TMEM182: variants seen among roughly 807,000 people sequenced by gnomAD.
The protein encoded by TMEM182 is transmembrane protein 182.
Under a neutral mutation model 26.8 loss-of-function variants are expected in TMEM182, and 20 were observed. That is an observed-to-expected ratio of 0.75 (90% CI 0.53 to 1.09). The LOEUF (loss-of-function observed/expected upper bound fraction) is 1.09, where lower values mean the gene tolerates loss of function less well. Among genes scored for constraint, TMEM182 ranks in the 50% least tolerant of loss-of-function variants. The pLI, the probability that TMEM182 is intolerant of heterozygous loss-of-function variation, is 0.00. For synonymous variants in TMEM182, 109 were observed against 102.2 expected (o/e 1.07, Z -0.40); for missense variants, 277 against 275.5 (o/e 1.01, Z -0.04).
chr2:102,748,234 G>C (rs1394619425), intron 1 of TMEM182, among the ~76,000 whole-genome samples: 1 of 152,182 alleles, frequency 6.6e-6, no homozygotes, highest in Non-Finnish European at 1.5e-5. Context: ...CATGGACACT[G>C]ATAGTCTGCC....
intron 3 of TMEM182, among the ~76,000 whole-genome samples, chr2:102,765,232 A>C (rs1680381137): frequency 6.6e-6 from 1 of 152,142 alleles, no homozygotes; most frequent in Non-Finnish European, 1.5e-5. Context: ...AGGCCTGGTG[A>C]GTCTGAAATC....
intron 1 of TMEM182, among the ~76,000 whole-genome samples, chr2:102,750,637 T>A (rs7595181): frequency 0.011 from 1,623 of 152,308 alleles, 35 homozygotes; most frequent in African/African-American, 0.037. Context: ...GCTACTGGGA[T>A]GAGTGTCACT....
intron 1 of TMEM182, among the ~76,000 whole-genome samples, chr2:102,741,292 A>G (rs1464384145): frequency 6.6e-6 from 1 of 152,180 alleles, no homozygotes; most frequent in Non-Finnish European, 1.5e-5. Flanking sequence ...TGAGAGTTAG[A>G]AACTCTTAGA....
intron 1 of TMEM182, among the ~76,000 whole-genome samples, chr2:102,743,285 A>G (rs1406532262): frequency 6.6e-6 from 1 of 152,182 alleles, no homozygotes; most frequent in African/African-American, 2.4e-5. Flanking sequence ...AAAAATAAAT[A>G]TAATTTATAT....
At chr2:102,810,007 C>T (rs1404105352) in intron 4 of TMEM182, among the ~76,000 whole-genome samples, 1 of 152,110 alleles carries the variant, frequency 6.6e-6, no homozygotes, top group African/African-American at 2.4e-5. Context: ...TGATTCTTCC[C>T]CAAGTAACCT....
intron 1 of TMEM182, among the ~76,000 whole-genome samples, chr2:102,749,418 C>T (rs796736961): frequency 5.3e-5 from 8 of 152,080 alleles, no homozygotes; most frequent in Non-Finnish European, 7.4e-5. Context: ...AGTGGTTGCC[C>T]GGACCTGAGG....
At chr2:102,795,353 T>C (rs941822270) in intron 3 of TMEM182, among the ~76,000 whole-genome samples, 1 of 152,202 alleles carries the variant, frequency 6.6e-6, no homozygotes, top group Non-Finnish European at 1.5e-5. Context: ...ACACCTTGAA[T>C]TTTATGTTGT....
intron 4 of TMEM182, among the ~76,000 whole-genome samples, chr2:102,803,951 A>T (rs1224385471): frequency 2.0e-5 from 3 of 151,708 alleles, no homozygotes; most frequent in Non-Finnish European, 4.4e-5. Context: ...CTGCAGGCAC[A>T]CGCAGCCCTG....
At chr2:102,784,628 A>ACC (rs1328977232) in intron 3 of TMEM182, among the ~76,000 whole-genome samples, 1 of 152,236 alleles carries the variant, frequency 6.6e-6, no homozygotes, top group African/African-American at 2.4e-5. Flanking sequence ...GTTGAGGAAT[A>ACC]AAAGAATGGC....
At chr2:102,768,786 G>A (rs1199141988) in intron 3 of TMEM182, among the ~76,000 whole-genome samples, 1 of 151,794 alleles carries the variant, frequency 6.6e-6, no homozygotes, top group Non-Finnish European at 1.5e-5. Context: ...TGCTTTTATT[G>A]TCAATGTTTA....
At position 102,772,939 on chromosome 2, in the gene TMEM182, GGTGT is replaced by G. The variant is rs71948151; in HGVS notation, c.331+8535_331+8538del. On this transcript the variant is annotated intron_variant, in intron 3 of 4. Coordinates refer to ENST00000412401, the MANE Select transcript of TMEM182 (RefSeq NM_144632.5). ...GTGAAACACTTTCTGCTCTCTGAAG[GGTGT>G]GTGTGTGTGTGTGTGTGTGTGTCCA... 6.8e-5 allele frequency among the ~76,000 whole-genome samples: 10 copies of G among 147,928 alleles called. No homozygotes were observed. In the East Asian group the frequency reaches 7.9e-4, roughly 12 times the overall value.
Position 102,816,447 on chromosome 2 carries a change from G to A in TMEM182, c.*1479G>A, listed in dbSNP as rs1040161605. On this transcript the variant is annotated 3_prime_UTR_variant, in exon 5 of 5. Coordinates refer to ENST00000412401, the MANE Select transcript of TMEM182 (RefSeq NM_144632.5). ...TTTCCATTAAGACTTGTTCCAGTGGGAAGGAGCTTTGGAAAAATTGCAAAG... is the reference window on the plus strand; with the variant it reads ...TTTCCATTAAGACTTGTTCCAGTGGAAAGGAGCTTTGGAAAAATTGCAAAG... The A allele has an allele frequency of 1.0e-6, 1 of 984,832 alleles. No homozygotes were observed. The highest frequency in any genetic ancestry group is 1.8e-5 in the African/African-American group (1 of 57,068). 61.0% of individuals were successfully genotyped at this position (984,832 alleles called of 1,614,324 possible).
chr2:102,817,045 G>T lies in TMEM182; in HGVS notation c.*2077G>T, dbSNP rs1208129813. On this transcript the variant is annotated 3_prime_UTR_variant, in exon 5 of 5. Coordinates refer to ENST00000412401, the MANE Select transcript of TMEM182 (RefSeq NM_144632.5). ...TTTGGAACTATTTTATAGTTGTAAT[G>T]CATCAATCAAATACATTTCAAGCAC... is the stretch of plus-strand genomic sequence containing the variant. The T allele has an allele frequency of 1.0e-6, 1 of 985,482 alleles. No homozygotes were observed. The highest frequency in any genetic ancestry group is 1.2e-6 in the Non-Finnish European group (1 of 829,926). 61.0% of individuals were successfully genotyped at this position (985,482 alleles called of 1,614,324 possible).
At chr2:102,821,987 C>CAAAAAAAAA (rs57270388), downstream of TMEM182, among the ~76,000 whole-genome samples, 1 of 103,178 alleles carries the variant, frequency 9.7e-6, no homozygotes. Flanking sequence ...GACTCTGTCT[C>CAAAAAAAAA]AAAAAAAAAA....
chr2:102,762,163 G>C lies in TMEM182; in HGVS notation c.-55G>C. 4 of 1,210,246 alleles carry C rather than the reference G, an allele frequency of 3.3e-6. No individual in the cohort carries two copies. Among genetic ancestry groups the C allele is most frequent in the Non-Finnish European group, 4.7e-6 (4 of 852,608 alleles). 75.0% of individuals were successfully genotyped at this position (1,210,246 alleles called of 1,614,324 possible). ...TGCTGTTGTTTCTGAGAAACTAGGTGTCTTACCATTTTAAAATTTCATATT... is the reference window on the plus strand; with the variant it reads ...TGCTGTTGTTTCTGAGAAACTAGGTCTCTTACCATTTTAAAATTTCATATT... On this transcript the variant is annotated 5_prime_UTR_variant, in exon 1 of 5. Coordinates refer to ENST00000412401, the MANE Select transcript of TMEM182 (RefSeq NM_144632.5).
At chr2:102,780,732 T>C (rs1406493828) in intron 3 of TMEM182, among the ~76,000 whole-genome samples, 1 of 152,140 alleles carries the variant, frequency 6.6e-6, no homozygotes. Flanking sequence ...GGGGATGTGG[T>C]TGAGACACCT....
At chr2:102,757,179 A>G (rs1469251518), upstream of TMEM182, among the ~76,000 whole-genome samples, 5 of 152,116 alleles carry the variant, frequency 3.3e-5, no homozygotes, top group East Asian at 7.7e-4. Flanking sequence ...CCTGCTACCT[A>G]TTCTTTCCCC....
chr2:102,758,905 T>C (rs1405081727), upstream of TMEM182, among the ~76,000 whole-genome samples: 1 of 152,230 alleles, frequency 6.6e-6, no homozygotes, highest in Non-Finnish European at 1.5e-5. Flanking sequence ...ACCTAGTTCC[T>C]GAGGCAATGC....
At chr2:102,776,474 A>G (rs1043089472) in intron 3 of TMEM182, among the ~76,000 whole-genome samples, 3 of 152,110 alleles carry the variant, frequency 2.0e-5, no homozygotes, top group African/African-American at 7.2e-5. Flanking sequence ...AGGTTCCTCC[A>G]TGTCTTTCCA....
Sources: gnomAD v4.1 joint callset for allele counts (sites outside exome capture counted in the v4.1 genomes callset) on GRCh38, gnomAD v4.1.1 for gene constraint, MANE v1.5 for transcripts, NCBI Gene and HGNC (gene_info 2026-07-23, HGNC 2026-07-21) for gene names.